HCLS1: variants seen among roughly 807,000 people sequenced by gnomAD.
HCLS1 encodes the protein hematopoietic cell-specific Lyn substrate 1.
Under a neutral mutation model 68.6 loss-of-function variants are expected in HCLS1, and 44 were observed. The ratio of observed to expected loss-of-function variants is 0.64; its 90% CI spans 0.50 to 0.82. The LOEUF is 0.82. HCLS1 is among the 40% of genes least tolerant of loss of function. HCLS1 has a pLI of 0.00. For synonymous variants in HCLS1, 217 were observed against 225.8 expected, an observed-to-expected ratio of 0.96 and a Z score of 0.35; for missense variants, 602 against 612.1, an observed-to-expected ratio of 0.98 and a Z score of 0.17.
chr3:121,658,226 C>T, intron 2 of HCLS1, 38 bp downstream of exon 2: 10 of 1,509,938 alleles, frequency 6.6e-6, no homozygotes, highest in Non-Finnish European at 5.5e-6. Flanking sequence ...CTCACCCCAC[C>T]CTCTGCACTG....
At chr3:121,652,799 T>C (rs1937777791) in intron 3 of HCLS1, among the ~76,000 whole-genome samples, 1 of 152,248 alleles carries the variant, frequency 6.6e-6, no homozygotes, top group Non-Finnish European at 1.5e-5. Flanking sequence ...ACTTTGTCAC[T>C]GTAAACAGAA....
chr3:121,659,618 C>G (rs1937948076), intron 1 of HCLS1, among the ~76,000 whole-genome samples: 1 of 152,162 alleles, frequency 6.6e-6, no homozygotes, highest in South Asian at 2.1e-4. Flanking sequence ...AAGGGGACAC[C>G]GGAGAGATAT....
chr3:121,644,660 A>G (rs2049228566), intron 5 of HCLS1, 158 bp downstream of exon 5: 1 of 724,622 alleles, frequency 1.4e-6, no homozygotes, highest in African/African-American at 1.7e-5. Flanking sequence ...GGCACCAAGG[A>G]ACTTGCTGAG....
chr3:121,644,563 G>C, intron 5 of HCLS1: 1 of 601,894 alleles, frequency 1.7e-6, no homozygotes, highest in Non-Finnish European at 3.1e-6. Flanking sequence ...CCAGTGGCTT[G>C]AGGAATTATT....
intron 3 of HCLS1, among the ~76,000 whole-genome samples, chr3:121,651,636 TCTTGAACTC>T (rs1176900680): frequency 6.6e-6 from 1 of 152,138 alleles, no homozygotes; most frequent in Non-Finnish European, 1.5e-5. Flanking sequence ...GTCCAGATGG[TCTTGAACTC>T]CTGGGCTCAA....
Position 121,657,326 on chromosome 3 carries a change from T to A in HCLS1, c.111A>T (p.Arg37=). 6.2e-7 allele frequency: 1 copy of A among 1,614,084 alleles called. No homozygotes were observed. Among genetic ancestry groups the A allele is most frequent in the South Asian group, 1.1e-5 (1 of 91,070 alleles). ...ACCCCTCGATGGTCTTGGCTCCCCA[T>A]CGTTGCTCCTTTTCAGAGATGTCAT... ...FVNDISEKEQ[R]WGAKTIEGSG... Residue 37 remains arginine, a synonymous_variant, in exon 3 of 14, where the codon CGA becomes CGT. Transcript: ENST00000314583.
chr3:121,643,315 G>A, intron 5 of HCLS1: 1 of 210,554 alleles, frequency 4.7e-6, no homozygotes, highest in South Asian at 9.6e-5. Flanking sequence ...ACTGTAAAAT[G>A]AGAGAAATGA....
At chr3:121,657,382 A>G (rs1452860303) in intron 2 of HCLS1, 30 bp from the exon 3 acceptor site, 1 of 1,609,854 alleles carries the variant, frequency 6.2e-7, no homozygotes, top group Admixed American at 1.7e-5. Flanking sequence ...GTAATACATG[A>G]CGGCAAGAAA....
intron 5 of HCLS1, chr3:121,644,418 C>T: frequency 3.1e-6 from 1 of 320,748 alleles, no homozygotes; most frequent in South Asian, 2.6e-5. Context: ...TTATCTGCTG[C>T]TATGGCAATA....
intron 6 of HCLS1, among the ~76,000 whole-genome samples, chr3:121,637,777 A>T (rs778156560): frequency 6.6e-6 from 1 of 152,126 alleles, no homozygotes; most frequent in East Asian, 1.9e-4. Flanking sequence ...TCTACTAAAA[A>T]ATACAAAAAT....
Position 121,634,321 on chromosome 3 carries a change from C to T in HCLS1, c.789G>A (p.Arg263=), listed in dbSNP as rs2049128831. The T allele has an allele frequency of 1.9e-6, 3 of 1,614,072 alleles. No individual in the cohort carries two copies. The highest frequency in any genetic ancestry group is 2.5e-6 in the Non-Finnish European group (3 of 1,180,044). Residue 263 remains arginine (R), a synonymous_variant, in exon 10 of 14, where the codon AGG becomes AGA. Transcript: ENST00000314583. ...TCACAGCCTTTCGCTCCTGTTGCCTCCTGGCCACCTGCTGTGCCTTCTCCT... is the reference window on the plus strand; with the variant it reads ...TCACAGCCTTTCGCTCCTGTTGCCTTCTGGCCACCTGCTGTGCCTTCTCCT... The part of the protein sequence containing the change: ...EEEEKAQQVA[R]RQQERKAVTK...
chr3:121,637,872 G>A (rs74746356), intron 6 of HCLS1, among the ~76,000 whole-genome samples: 33,884 of 151,480 alleles, frequency 0.22, 3,922 homozygotes, highest in East Asian at 0.31. Flanking sequence ...GGGGGTGGAG[G>A]TTGCAGTGAG....
intron 3 of HCLS1, among the ~76,000 whole-genome samples, chr3:121,654,679 T>C (rs1202210252): frequency 2.0e-5 from 3 of 152,214 alleles, no homozygotes; most frequent in African/African-American, 7.2e-5. Flanking sequence ...GTAGTAAGAT[T>C]AGTAAGAACT....
chr3:121,653,218 T>G (rs1937788529), intron 3 of HCLS1, among the ~76,000 whole-genome samples: 1 of 152,232 alleles, frequency 6.6e-6, no homozygotes, highest in African/African-American at 2.4e-5. Context: ...GTTGTGCACC[T>G]GTATTTTGAC....
chr3:121,656,691 A>G (rs1937880941), intron 3 of HCLS1, among the ~76,000 whole-genome samples: 1 of 152,172 alleles, frequency 6.6e-6, no homozygotes, highest in African/African-American at 2.4e-5. Context: ...TCTTCATATT[A>G]CCATTCATGG....
rs530498586 is a variant in HCLS1 at position 121,639,009 on chromosome 3, C to T, written c.455-1753G>A. On this transcript the variant is annotated intron_variant, in intron 6 of 13. Coordinates refer to ENST00000314583, the MANE Select transcript of HCLS1 (RefSeq NM_005335.6). ...CAGCCTGAGAAACATCGCAAGACTC[C>T]AACACACACACACACGCACACACAC... Among the ~76,000 whole-genome samples the T allele has an allele frequency of 3.7e-5, 3 of 80,468 alleles. No homozygotes were observed. The South Asian group carries it at 1.0e-3, about 27-fold the overall frequency. 52.8% of individuals were successfully genotyped at this position (80,468 alleles called of 152,430 possible).
chr3:121,640,045 C>T (rs1266621750), intron 6 of HCLS1, among the ~76,000 whole-genome samples: 1 of 151,866 alleles, frequency 6.6e-6, no homozygotes, highest in Non-Finnish European at 1.5e-5. Flanking sequence ...AGAGAAAAAA[C>T]ACAAGTAAGT....
chr3:121,640,868 AGGG>A, intron 6 of HCLS1, among the ~76,000 whole-genome samples: 1 of 148,896 alleles, frequency 6.7e-6, no homozygotes, highest in Non-Finnish European at 1.5e-5. Context: ...AGGGCAGGGC[AGGG>A]AAGAGAAGGG....
chr3:121,646,843 TAG>T (rs1325582444), intron 4 of HCLS1, among the ~76,000 whole-genome samples: 5 of 142,698 alleles, frequency 3.5e-5, no homozygotes, highest in African/African-American at 5.1e-5. Context: ...TTATTTATTA[TAG>T]AGTCAATTAT....
Sources: gnomAD v4.1 joint callset for allele counts (sites outside exome capture counted in the v4.1 genomes callset) on GRCh38, gnomAD v4.1.1 for gene constraint, MANE v1.5 for transcripts, NCBI Gene and HGNC (gene_info 2026-07-23, HGNC 2026-07-21) for gene names.